Variants in DLG2 observed in about 807,000 individuals in gnomAD.
DLG2 encodes disks large homolog 2.
DLG2 carries 45 observed loss-of-function variants against 132.5 expected under a neutral mutation model. That is an observed-to-expected ratio of 0.34 (90% CI 0.27 to 0.44). DLG2 has a LOEUF of 0.44. Ranked by LOEUF, DLG2 falls within the 20% of genes least tolerant of loss-of-function variation. DLG2 has a pLI of 1.00. For missense variants in DLG2, 1,045 were observed against 1,196.9 expected, an observed-to-expected ratio of 0.87 and a Z score of 1.87; for synonymous variants, 424 against 419.6, an observed-to-expected ratio of 1.01 and a Z score of -0.13.
intron 6 of DLG2, among the ~76,000 whole-genome samples, chr11:84,669,776 T>C (rs564983164): frequency 6.6e-6 from 1 of 152,306 alleles, no homozygotes; most frequent in African/African-American, 2.4e-5. Context: ...ATACACTTCA[T>C]TTTTAGGCTT....
intron 3 of DLG2, among the ~76,000 whole-genome samples, chr11:85,353,453 A>T (rs2083450534): frequency 6.6e-6 from 1 of 152,212 alleles, no homozygotes; most frequent in Admixed American, 6.5e-5. Context: ...ATCTAGAACT[A>T]GAAATACCAT....
intron 15 of DLG2, among the ~76,000 whole-genome samples, chr11:83,901,894 T>G (rs1280186440): frequency 5.3e-5 from 8 of 152,320 alleles, no homozygotes; most frequent in African/African-American, 7.2e-5. Flanking sequence ...TGATTTTTTT[T>G]TGTGTGACAT....
chr11:84,325,121 C>T (rs2098424049), intron 7 of DLG2, among the ~76,000 whole-genome samples: 1 of 151,918 alleles, frequency 6.6e-6, no homozygotes, highest in Admixed American at 6.6e-5. Context: ...AGTTTTTCAC[C>T]ATTGAGTATG....
At chr11:84,352,291 G>A (rs990543309) in intron 7 of DLG2, among the ~76,000 whole-genome samples, 2 of 152,090 alleles carry the variant, frequency 1.3e-5, no homozygotes, top group African/African-American at 4.8e-5. Context: ...GGAAAGACAA[G>A]GAGTTTCCTT....
chr11:84,459,700 T>C (rs921915637), intron 7 of DLG2, among the ~76,000 whole-genome samples: 3 of 150,570 alleles, frequency 2.0e-5, no homozygotes, highest in Admixed American at 6.6e-5. Flanking sequence ...TCTAGGTAGG[T>C]TGTGTTTTCT....
At chr11:84,563,915 AG>A (rs1282543102) in intron 6 of DLG2, among the ~76,000 whole-genome samples, 6 of 152,190 alleles carry the variant, frequency 3.9e-5, no homozygotes, top group Non-Finnish European at 8.8e-5. Context: ...ACACACTGAA[AG>A]GTCATGTTCA....
intron 10 of DLG2, among the ~76,000 whole-genome samples, chr11:84,086,741 T>C (rs1442856765): frequency 1.3e-5 from 2 of 152,136 alleles, no homozygotes; most frequent in African/African-American, 2.4e-5. Flanking sequence ...CTGCCCGCCT[T>C]AGCCTCCCAA....
chr11:83,814,012 G>A (rs1732341624), intron 17 of DLG2, among the ~76,000 whole-genome samples: 1 of 151,802 alleles, frequency 6.6e-6, no homozygotes, highest in South Asian at 2.1e-4. Flanking sequence ...TTCTTTATGT[G>A]CACTTTTATT....
At chr11:85,389,237 G>A (rs548487527) in intron 3 of DLG2, among the ~76,000 whole-genome samples, 1 of 152,058 alleles carries the variant, frequency 6.6e-6, no homozygotes, top group Non-Finnish European at 1.5e-5. Context: ...CAATAGAATT[G>A]AACAAGTAGA....
intron 7 of DLG2, among the ~76,000 whole-genome samples, chr11:84,251,730 C>T (rs1311550991): frequency 6.6e-6 from 1 of 151,202 alleles, no homozygotes; most frequent in Non-Finnish European, 1.5e-5. Flanking sequence ...CAGCCTCCGC[C>T]TCCTGGTTCA....
intron 6 of DLG2, among the ~76,000 whole-genome samples, chr11:84,902,540 T>C (rs1244736834): frequency 2.0e-5 from 3 of 152,180 alleles, no homozygotes; most frequent in African/African-American, 7.2e-5. Context: ...CTCCCCACAA[T>C]GGTGGTATCC....
chr11:85,305,425 G>C (rs1192363224), intron 3 of DLG2, among the ~76,000 whole-genome samples: 2 of 152,150 alleles, frequency 1.3e-5, no homozygotes, highest in African/African-American at 2.4e-5. Context: ...CGCAACTACA[G>C]GCCTTCCGGG....
intron 3 of DLG2, among the ~76,000 whole-genome samples, chr11:85,456,253 T>G (rs768400580): frequency 2.0e-5 from 3 of 152,202 alleles, no homozygotes; most frequent in African/African-American, 7.2e-5. Flanking sequence ...TTTGTGTGCA[T>G]AGAGGTGCTC....
intron 3 of DLG2, among the ~76,000 whole-genome samples, chr11:85,524,131 G>C (rs941076275): frequency 1.3e-5 from 2 of 152,052 alleles, no homozygotes; most frequent in African/African-American, 2.4e-5. Context: ...GATGATTAAT[G>C]GGTATAAAAA....
intron 6 of DLG2, among the ~76,000 whole-genome samples, chr11:84,696,828 T>G (rs968177886): frequency 6.6e-6 from 1 of 151,498 alleles, no homozygotes; most frequent in Non-Finnish European, 1.5e-5. Context: ...AAATGTCACA[T>G]TGGTAAGTAA....
intron 7 of DLG2, among the ~76,000 whole-genome samples, chr11:84,373,613 G>C (rs955297089): frequency 2.6e-5 from 4 of 151,910 alleles, no homozygotes; most frequent in African/African-American, 9.7e-5. Context: ...GGGTGCTTGT[G>C]GGGAAAAACT....
At chr11:83,625,603 C>G (rs913935801) in intron 19 of DLG2, among the ~76,000 whole-genome samples, 1 of 152,192 alleles carries the variant, frequency 6.6e-6, no homozygotes, top group Non-Finnish European at 1.5e-5. Flanking sequence ...GACATAACTT[C>G]AAGCCTTAGT....
intron 6 of DLG2, among the ~76,000 whole-genome samples, chr11:84,771,718 TACA>T (rs1383288547): frequency 6.6e-6 from 1 of 152,142 alleles, no homozygotes; most frequent in Non-Finnish European, 1.5e-5. Context: ...ACAGACCCTA[TACA>T]ACAACCACAC....
intron 6 of DLG2, among the ~76,000 whole-genome samples, chr11:85,101,054 AG>A (rs1481719660): frequency 6.6e-6 from 1 of 152,180 alleles, no homozygotes. Flanking sequence ...TATGAATGTC[AG>A]TCAAGATATA....
Sources: allele counts gnomAD v4.1 joint callset (sites outside exome capture counted in the v4.1 genomes callset), GRCh38; gene constraint gnomAD v4.1.1; transcripts MANE v1.5; gene names NCBI Gene and HGNC (gene_info 2026-07-23, HGNC 2026-07-21).